CASS4: variants seen among roughly 807,000 people sequenced by gnomAD.
The protein encoded by CASS4 is cas scaffolding protein family member 4.
A neutral mutation model predicts 54.2 loss-of-function variants in CASS4; 22 were observed. The observed-to-expected ratio is 0.41, with a 90% CI of 0.29 to 0.58. The LOEUF (loss-of-function observed/expected upper bound fraction) is 0.58, where lower values mean the gene tolerates loss of function less well. Among genes scored for constraint, CASS4 ranks in the 20% least tolerant of loss-of-function variants. The pLI, the probability that CASS4 is intolerant of heterozygous loss-of-function variation, is 0.36. For missense variants in CASS4, 854 were observed against 986.7 expected, an observed-to-expected ratio of 0.87 and a Z score of 1.80; for synonymous variants, 409 against 391.5, an observed-to-expected ratio of 1.04 and a Z score of -0.53.
intron 2 of CASS4, among the ~76,000 whole-genome samples, chr20:56,444,849 G>A (rs1270541453): frequency 1.3e-5 from 2 of 152,276 alleles, no homozygotes; most frequent in South Asian, 2.1e-4. Context: ...GGTGGCTCAC[G>A]CCTGTAATCC....
intron 1 of CASS4, among the ~76,000 whole-genome samples, chr20:56,415,199 C>G (rs1378703976): frequency 1.3e-5 from 2 of 152,154 alleles, no homozygotes; most frequent in Admixed American, 6.5e-5. Flanking sequence ...CAAATACAAT[C>G]TCTGTTGCAT....
chr20:56,413,672 C>CAAAA (rs35217347), intron 1 of CASS4, among the ~76,000 whole-genome samples: 24 of 28,300 alleles, frequency 8.5e-4, no homozygotes, highest in African/African-American at 1.8e-3. Context: ...GACTCTGTCT[C>CAAAA]AAAAAAAAAA....
rs756760484 is a variant in CASS4 at position 56,437,260 on chromosome 20, G to A, written c.133G>A (p.Val45Met). 11 of 1,613,884 alleles carry A rather than the reference G, an allele frequency of 6.8e-6. No homozygotes were observed. Among genetic ancestry groups the A allele is most frequent in the Admixed American group, 6.7e-5 (4 of 59,982 alleles). ...GDILTILEQHVPESEGWWKCL... is the reference protein window; with the variant it reads ...GDILTILEQHMPESEGWWKCL... ...CATCCTGACCATTCTGGAGCAACAC[G>A]TGCCAGAAAGCGAGGGTTGGTGGAA... The change falls in exon 2 of 6, where the codon GTG becomes ATG. Residue 45 changes from valine (V) to methionine (M), a missense_variant. Transcript: ENST00000679887. The surrounding 1 kb of genome is among the most constrained non-coding windows in gnomAD (Gnocchi z 4.7).
At chr20:56,440,987 A>ATTTTT (rs1452007723) in intron 2 of CASS4, among the ~76,000 whole-genome samples, 1 of 148,284 alleles carries the variant, frequency 6.7e-6, no homozygotes, top group African/African-American at 2.6e-5. Flanking sequence ...TAAAAAAAAA[A>ATTTTT]ATTTTTTTTT....
chr20:56,458,615 G>T lies in CASS4; in HGVS notation c.2229G>T (p.Leu743=), dbSNP rs755764439. ...ILRGSSHLCS[L]LKDVALATKN... ...GTGGCAGCAGTCACCTCTGCAGCCT[G>T]CTCAAGGACGTAGCGCTGGCCACTA... is the stretch of plus-strand genomic sequence containing the variant. Residue 743 remains leucine (L), a synonymous_variant, in exon 6 of 6, where the codon CTG becomes CTT. Coordinates refer to ENST00000679887, the MANE Select transcript of CASS4 (RefSeq NM_020356.4). 32 of 1,613,968 alleles carry T rather than the reference G, an allele frequency of 2.0e-5. No homozygotes were observed. The highest frequency in any genetic ancestry group is 2.6e-5 in the Non-Finnish European group (31 of 1,179,964).
chr20:56,458,266 C>T, intron 5 of CASS4, 74 bp from the exon 6 acceptor site: 1 of 1,454,790 alleles, frequency 6.9e-7, no homozygotes, highest in Non-Finnish European at 9.3e-7. Context: ...CAAATCTAGC[C>T]AAAACAGGAA....
chr20:56,453,149 T>C lies in CASS4; in HGVS notation c.1953+20T>C. 1 of 1,577,394 alleles carries C rather than the reference T, an allele frequency of 6.3e-7. No homozygotes were observed. The highest frequency in any genetic ancestry group is 8.6e-7 in the Non-Finnish European group (1 of 1,159,246). Reference sequence around the variant, plus strand: ...GGACAGGTGAGTTCAGAGTTCCAAGTGATCGAAAAAGGGGCTTCAATTGTT... The same window carrying C: ...GGACAGGTGAGTTCAGAGTTCCAAGCGATCGAAAAAGGGGCTTCAATTGTT... On this transcript the variant is annotated intron_variant, in intron 5 of 5. Transcript: ENST00000679887.
intron 2 of CASS4, 77 bp from the exon 3 acceptor site, chr20:56,445,823 G>A: frequency 8.6e-7 from 1 of 1,167,800 alleles, no homozygotes. Context: ...TCTGCTTTTG[G>A]AGAGATGACT....
intron 1 of CASS4, among the ~76,000 whole-genome samples, chr20:56,423,418 C>T (rs532424129): frequency 6.6e-6 from 1 of 152,164 alleles, no homozygotes; most frequent in East Asian, 1.9e-4. Context: ...GACTGTCACA[C>T]CATGGGAAAC....
rs1452007723 is a variant in CASS4 at position 56,440,987 on chromosome 20, A to ATTT, written c.459+3401_459+3402insTTT. 3.6e-4 allele frequency among the ~76,000 whole-genome samples: 53 copies of ATTT among 148,356 alleles called. 1 individual carries two copies. Among genetic ancestry groups the ATTT allele is most frequent in the African/African-American group, 1.3e-3 (49 of 38,582 alleles). Reference sequence around the variant, plus strand: ...TCCTATTTATTTACTTAAAAAAAAAAATTTTTTTTTTTTTTTTTGGAGGCA... The same window carrying ATTT: ...TCCTATTTATTTACTTAAAAAAAAAATTTATTTTTTTTTTTTTTTTTGGAGGCA... On this transcript the variant is annotated intron_variant, in intron 2 of 5. Transcript: ENST00000679887.
chr20:56,458,919 A>G lies in CASS4; in HGVS notation c.*172A>G, dbSNP rs1981465906. ...CTAAGCAACCCCAGGGCATTGACTTACCCCGCAGGGGGTCAGGAAAGAGAG... is the reference window on the plus strand; with the variant it reads ...CTAAGCAACCCCAGGGCATTGACTTGCCCCGCAGGGGGTCAGGAAAGAGAG... On this transcript the variant is annotated 3_prime_UTR_variant, in exon 6 of 6. Transcript: ENST00000679887. The G allele has an allele frequency of 1.6e-6, 1 of 623,242 alleles. No homozygotes were observed. The highest frequency in any genetic ancestry group is 2.8e-6 in the Non-Finnish European group (1 of 362,290). 38.6% of individuals were successfully genotyped at this position (623,242 alleles called of 1,614,324 possible).
Position 56,430,057 on chromosome 20 carries a change from G to A in CASS4, c.37-7107G>A, listed in dbSNP as rs564539254. ...TGTTCACCACGATGCCTCCAGCAGA[G>A]CCCCTGGAATACACGTGATGCTCAA... On this transcript the variant is annotated intron_variant, in intron 1 of 5. Coordinates refer to ENST00000679887, the MANE Select transcript of CASS4 (RefSeq NM_020356.4). The surrounding 1 kb of genome is among the most constrained non-coding windows in gnomAD (Gnocchi z 4.2). Among the ~76,000 whole-genome samples, 22 of 152,310 alleles carry A rather than the reference G, an allele frequency of 1.4e-4. No individual in the cohort carries two copies. The South Asian group carries it at 4.6e-3, about 32-fold the overall frequency.
At chr20:56,458,005 A>G (rs1184457369) in intron 5 of CASS4, among the ~76,000 whole-genome samples, 1 of 141,368 alleles carries the variant, frequency 7.1e-6, no homozygotes, top group African/African-American at 2.6e-5. Flanking sequence ...ATAAAGGAAA[A>G]CTCTGTCTCA....
chr20:56,422,977 T>C (rs1373653365), intron 1 of CASS4, among the ~76,000 whole-genome samples: 1 of 152,158 alleles, frequency 6.6e-6, no homozygotes, highest in Non-Finnish European at 1.5e-5. Flanking sequence ...AGGGAACCAA[T>C]GGGAGTGTGG....
intron 3 of CASS4, among the ~76,000 whole-genome samples, chr20:56,447,339 T>A (rs1213781701): frequency 6.6e-6 from 1 of 152,246 alleles, no homozygotes; most frequent in Non-Finnish European, 1.5e-5. Context: ...AAGCTCCTGC[T>A]GCCCAGCTTG....
Position 56,452,742 on chromosome 20 carries a change from C to T in CASS4, c.1566C>T (p.Thr522=), listed in dbSNP as rs761184541. The change falls in exon 5 of 6, where the codon ACC becomes ACT. Residue 522 remains threonine, a synonymous_variant. Coordinates refer to ENST00000679887, the MANE Select transcript of CASS4 (RefSeq NM_020356.4). The part of the protein sequence containing the change: ...LQNRIRDQMQ[T]ISNSYRILLE... Reference sequence around the variant, plus strand: ...ACAGAATTCGGGACCAGATGCAGACCATCTCCAACTCCTACCGCATCCTGC... The same window carrying T: ...ACAGAATTCGGGACCAGATGCAGACTATCTCCAACTCCTACCGCATCCTGC... 22 of 1,614,046 alleles carry T rather than the reference C, an allele frequency of 1.4e-5. No individual in the cohort carries two copies. The highest frequency in any genetic ancestry group is 1.8e-5 in the Non-Finnish European group (21 of 1,180,026).
chr20:56,428,608 T>G (rs1979752340), intron 1 of CASS4, among the ~76,000 whole-genome samples: 1 of 152,230 alleles, frequency 6.6e-6, no homozygotes, highest in Non-Finnish European at 1.5e-5. Flanking sequence ...GTCTCACTCA[T>G]GTATATTTCT....
intron 1 of CASS4, among the ~76,000 whole-genome samples, chr20:56,436,757 C>T (rs994769780): frequency 1.9e-4 from 29 of 152,102 alleles, no homozygotes; most frequent in African/African-American, 6.7e-4. Flanking sequence ...GGTGGCGGCA[C>T]GCATGTGTAG....
At chr20:56,433,012 G>A (rs1375433386) in intron 1 of CASS4, among the ~76,000 whole-genome samples, 2 of 152,194 alleles carry the variant, frequency 1.3e-5, no homozygotes, top group African/African-American at 2.4e-5. Context: ...GTTATGTCAC[G>A]CCTCTCTTTC....
Sources: gnomAD v4.1 joint callset for allele counts (sites outside exome capture counted in the v4.1 genomes callset) on GRCh38, gnomAD v4.1.1 for gene constraint, Gnocchi (gnomAD v3.1) non-coding constraint, MANE v1.5 for transcripts, NCBI Gene and HGNC (gene_info 2026-07-23, HGNC 2026-07-21) for gene names.